The following DENND2A variants were observed in gnomAD, a reference collection of about 807,000 sequenced individuals.
DENND2A encodes DENN domain containing 2A.
DENND2A carries 53 observed loss-of-function variants against 105.3 expected under a neutral mutation model. The observed-to-expected ratio is 0.50, with a 90% confidence interval of 0.40 to 0.63. The LOEUF (loss-of-function observed/expected upper bound fraction) is 0.63, where lower values mean the gene tolerates loss of function less well. Ranked by LOEUF, DENND2A falls within the 30% of genes least tolerant of loss-of-function variation. The probability of loss-of-function intolerance (pLI) is 0.00; values close to 1 mark genes in which losing one functional copy is unlikely to be tolerated. For missense variants in DENND2A, 1,138 were observed against 1,279.6 expected (o/e 0.89, Z 1.69); for synonymous variants, 522 against 508.4 (o/e 1.03, Z -0.36).
chr7:140,583,672 G>A lies in DENND2A; in HGVS notation c.1245+1917C>T, dbSNP rs1798639442. ...TCGCCGGGCGCGGTGGCTCACGCCTGCAACCCCAGCACTTTGGGAGGCCAA... is the reference window on the plus strand; with the variant it reads ...TCGCCGGGCGCGGTGGCTCACGCCTACAACCCCAGCACTTTGGGAGGCCAA... On this transcript the variant is annotated intron_variant, in intron 5 of 19. Transcript: ENST00000496613. Among the ~76,000 whole-genome samples the A allele has an allele frequency of 1.3e-5, 2 of 150,560 alleles. 1 individual carries two copies. The highest frequency in any genetic ancestry group is 5.0e-5 in the African/African-American group (2 of 39,862).
intron 11 of DENND2A, among the ~76,000 whole-genome samples, chr7:140,557,578 C>T (rs1425376403): frequency 2.0e-5 from 2 of 98,234 alleles, no homozygotes; most frequent in Non-Finnish European, 3.9e-5. Flanking sequence ...TTCGCTCTGT[C>T]GCCCAGGCTG....
rs1797529280 is a variant in DENND2A, at chr7:140,559,563, A to T, written c.1889+145T>A. ...TGACTTCACCTTCAGGGAAGCTTTA[A>T]AAACACCCCTTGGGGAAAGCTCTAG... On this transcript the variant is annotated intron_variant, in intron 10 of 19. Transcript: ENST00000496613. The surrounding 1 kb of genome is among the most constrained non-coding windows in gnomAD (Gnocchi z 4.1). 3 of 625,244 alleles carry T rather than the reference A, an allele frequency of 4.8e-6. No individual in the cohort carries two copies. The South Asian group carries it at 6.4e-5, about 13-fold the overall frequency. 38.7% of individuals were successfully genotyped at this position (625,244 alleles called of 1,614,324 possible).
At position 140,601,870 on chromosome 7, in the gene DENND2A, C is replaced by A; in HGVS notation, c.528G>T (p.Gly176=). ...AAGTCCCTGGTAACTGGGGATCCAG[C>A]CCTGCCGACCCATCCTTCAAAGCCT... is the stretch of plus-strand genomic sequence containing the variant. The part of the protein sequence containing the change: ...LEQALKDGSA[G]LDPQLPGTCY... The change falls in exon 3 of 20, where the codon GGG becomes GGT. Residue 176 remains glycine, a synonymous_variant. Transcript: ENST00000496613. 2 of 1,614,166 alleles carry A rather than the reference C, an allele frequency of 1.2e-6. 1 individual carries two copies. Among genetic ancestry groups the A allele is most frequent in the South Asian group, 2.2e-5 (2 of 91,084 alleles).
chr7:140,519,810 T>A, intron 18 of DENND2A, 92 bp from the exon 19 acceptor site: 1 of 1,201,728 alleles, frequency 8.3e-7, no homozygotes, highest in Non-Finnish European at 1.2e-6. Context: ...AAGAGAAACC[T>A]TGTTTCTGAG....
At chr7:140,620,670 C>T (rs1002500504) in intron 1 of DENND2A, among the ~76,000 whole-genome samples, 1 of 152,212 alleles carries the variant, frequency 6.6e-6, no homozygotes, top group East Asian at 1.9e-4. Context: ...CAGCCACGAC[C>T]ACAGCTGCAG....
intron 11 of DENND2A, 26 bp downstream of exon 11, chr7:140,558,117 G>T: frequency 1.2e-6 from 2 of 1,605,918 alleles, no homozygotes; most frequent in Non-Finnish European, 1.7e-6. Flanking sequence ...CGAGGCTCTT[G>T]CAGGCTGAAA....
At chr7:140,588,134 C>T (rs541985007) in intron 3 of DENND2A, among the ~76,000 whole-genome samples, 2 of 152,272 alleles carry the variant, frequency 1.3e-5, no homozygotes, top group African/African-American at 4.8e-5. Flanking sequence ...TGGTCTCGAA[C>T]TCCTGACCTC....
intron 3 of DENND2A, among the ~76,000 whole-genome samples, chr7:140,592,454 G>A (rs1235924221): frequency 1.3e-5 from 2 of 151,886 alleles, no homozygotes; most frequent in East Asian, 3.9e-4. Flanking sequence ...GTTGTGATCT[G>A]CCCACCTCAG....
At chr7:140,549,089 C>CTATATTCCCAGA in intron 12 of DENND2A, among the ~76,000 whole-genome samples, 1 of 151,650 alleles carries the variant, frequency 6.6e-6, no homozygotes, top group South Asian at 2.1e-4. Context: ...TGGTGGCAGG[C>CTATATTCCCAGA]TATATTCCCA....
intron 3 of DENND2A, among the ~76,000 whole-genome samples, chr7:140,588,621 C>T (rs955926238): frequency 2.0e-5 from 3 of 152,044 alleles, no homozygotes; most frequent in South Asian, 2.1e-4. Flanking sequence ...TTTTGTAGAA[C>T]GGGGTTTTGT....
chr7:140,608,533 G>A (rs1298698466), intron 1 of DENND2A, among the ~76,000 whole-genome samples: 3 of 151,988 alleles, frequency 2.0e-5, no homozygotes, highest in South Asian at 2.1e-4. Context: ...AAAATTAACC[G>A]GGTGTGCTGG....
At chr7:140,563,726 C>G (rs1364804897) in intron 9 of DENND2A, among the ~76,000 whole-genome samples, 1 of 135,674 alleles carries the variant, frequency 7.4e-6, no homozygotes, top group African/African-American at 2.8e-5. Context: ...TGGATCCCAG[C>G]ACTTTGGAAG....
At chr7:140,568,654 C>T (rs1296855375) in intron 8 of DENND2A, 109 bp downstream of exon 8, 10 of 1,204,708 alleles carry the variant, frequency 8.3e-6, no homozygotes, top group South Asian at 1.2e-5. Context: ...CACGCCTTGC[C>T]AAGCAAGCTC....
Position 140,559,504 on chromosome 7 carries a change from G to A in DENND2A, c.1889+204C>T, listed in dbSNP as rs1041390133. On this transcript the variant is annotated intron_variant, in intron 10 of 19. Coordinates refer to ENST00000496613, the MANE Select transcript of DENND2A (RefSeq NM_015689.5). The surrounding 1 kb of genome is among the most constrained non-coding windows in gnomAD (Gnocchi z 4.1). ...TCTGAAACAAGTATCCCCAGATTGA[G>A]TGGGAAGCCCGGGAGGTCTGCATGC... 3.3e-5 allele frequency among the ~76,000 whole-genome samples: 5 copies of A among 152,206 alleles called. No homozygotes were observed. The highest frequency in any genetic ancestry group is 1.2e-4 in the African/African-American group (5 of 41,452).
At chr7:140,609,302 C>T (rs1250484973) in intron 1 of DENND2A, among the ~76,000 whole-genome samples, 1 of 152,184 alleles carries the variant, frequency 6.6e-6, no homozygotes, top group East Asian at 1.9e-4. Context: ...CTCTTGAGGT[C>T]AGGAGTTTGA....
In DENND2A at chr7:140,637,594, T is replaced by C. The variant is rs562147834; in HGVS notation, c.-248+2910A>G. ...GGTCTGCTGAGTCCCACCCTTTTCC[T>C]ACCCCTTTAGAGGCAGGCTCTACAT... On this transcript the variant is annotated intron_variant, in intron 1 of 19. Transcript: ENST00000496613. Among the ~76,000 whole-genome samples the C allele has an allele frequency of 1.1e-3, 172 of 152,274 alleles. 1 individual carries two copies. The highest frequency in any genetic ancestry group is 4.0e-3 in the African/African-American group (168 of 41,572).
At chr7:140,634,976 AT>A (rs955623073) in intron 1 of DENND2A, among the ~76,000 whole-genome samples, 3 of 147,144 alleles carry the variant, frequency 2.0e-5, no homozygotes, top group African/African-American at 5.1e-5. Context: ...AAAAAAAAAA[AT>A]TTTGGCCAAG....
chr7:140,525,628 TCA>T, intron 16 of DENND2A, 121 bp downstream of exon 16: 1 of 852,628 alleles, frequency 1.2e-6, no homozygotes, highest in Non-Finnish European at 1.7e-6. Context: ...CGTCCTGGGG[TCA>T]CACAGCTCTG....
At position 140,640,793 on chromosome 7, in the gene DENND2A, C is replaced by T. The variant is rs1470897534; in HGVS notation, c.-537G>A. On this transcript the variant is annotated 5_prime_UTR_variant, in exon 1 of 20. Coordinates refer to ENST00000496613, the MANE Select transcript of DENND2A (RefSeq NM_015689.5). The surrounding 1 kb of genome is among the most constrained non-coding windows in gnomAD (Gnocchi z 4.9). ...GCCCGCGGCCCCTGCCTCCTCCTGC[C>T]GTGGCTCCGCGACGATCTGCGCGAC... is the stretch of plus-strand genomic sequence containing the variant. The T allele has an allele frequency of 6.6e-6, 1 of 151,256 alleles. No individual in the cohort carries two copies. Among genetic ancestry groups the T allele is most frequent in the Non-Finnish European group, 1.5e-5 (1 of 67,848 alleles). 9.4% of individuals were successfully genotyped at this position (151,256 alleles called of 1,614,324 possible).
Sources: gnomAD v4.1 joint callset for allele counts (sites outside exome capture counted in the v4.1 genomes callset) on GRCh38, gnomAD v4.1.1 for gene constraint, Gnocchi (gnomAD v3.1) non-coding constraint, MANE v1.5 for transcripts, NCBI Gene and HGNC (gene_info 2026-07-23, HGNC 2026-07-21) for gene names.